Variants in FSHR observed in about 807,000 individuals in gnomAD.
FSHR encodes the protein follicle-stimulating hormone receptor.
FSHR carries 46 observed loss-of-function variants against 52.1 expected under a neutral mutation model. The ratio of observed to expected loss-of-function variants is 0.88; its 90% CI spans 0.70 to 1.13. FSHR has a LOEUF of 1.13. Ranked by LOEUF, FSHR falls within the 50% of genes most tolerant of loss-of-function variation. The pLI, the probability that FSHR is intolerant of heterozygous loss-of-function variation, is 0.00. For synonymous variants in FSHR, 399 were observed against 309.6 expected, an observed-to-expected ratio of 1.29 and a Z score of -3.03; for missense variants, 964 against 834.6, an observed-to-expected ratio of 1.16 and a Z score of -1.91.
intron 2 of FSHR, among the ~76,000 whole-genome samples, chr2:49,035,694 T>C (rs1010891139): frequency 6.6e-6 from 1 of 152,236 alleles, no homozygotes; most frequent in African/African-American, 2.4e-5. Context: ...TTTGGCTCTC[T>C]CAGGAATCTA....
intron 9 of FSHR, 130 bp downstream of exon 9, chr2:48,968,567 GA>G: frequency 1.9e-6 from 2 of 1,069,856 alleles, no homozygotes; most frequent in Non-Finnish European, 1.4e-6. Context: ...TTTTGACCCA[GA>G]ATGTGCCAAA....
chr2:48,981,058 C>CA (rs1368693445), intron 8 of FSHR, among the ~76,000 whole-genome samples: 1 of 152,166 alleles, frequency 6.6e-6, no homozygotes, highest in Non-Finnish European at 1.5e-5. Flanking sequence ...TCAAAGACAT[C>CA]AAAAGTACTT....
intron 9 of FSHR, among the ~76,000 whole-genome samples, chr2:48,967,004 A>T (rs1455471555): frequency 6.6e-6 from 1 of 152,172 alleles, no homozygotes; most frequent in East Asian, 1.9e-4. Flanking sequence ...TGTCTAGAGG[A>T]GTCTGAGTAA....
intron 1 of FSHR, among the ~76,000 whole-genome samples, chr2:49,152,341 T>C (rs1451619872): frequency 6.6e-6 from 1 of 152,138 alleles, no homozygotes; most frequent in East Asian, 1.9e-4. Flanking sequence ...CTCTCTTTCC[T>C]TAGTTGCAAA....
chr2:49,036,868 A>G (rs1478780590), intron 2 of FSHR, among the ~76,000 whole-genome samples: 2 of 152,226 alleles, frequency 1.3e-5, no homozygotes, highest in Non-Finnish European at 2.9e-5. Flanking sequence ...ATGCTGAATA[A>G]AATATGTCAA....
At chr2:49,083,876 ACTCC>A in intron 1 of FSHR, among the ~76,000 whole-genome samples, 1 of 150,396 alleles carries the variant, frequency 6.6e-6, no homozygotes. Context: ...AGAGACTTAG[ACTCC>A]CACACATTAA....
chr2:48,979,910 G>A (rs976686439), intron 8 of FSHR, among the ~76,000 whole-genome samples: 9 of 152,072 alleles, frequency 5.9e-5, no homozygotes, highest in African/African-American at 9.7e-5. Flanking sequence ...AATAGCCTAC[G>A]CATACTCCTA....
intron 2 of FSHR, among the ~76,000 whole-genome samples, chr2:49,060,469 C>A: frequency 6.6e-6 from 1 of 152,262 alleles, no homozygotes; most frequent in East Asian, 1.9e-4. Context: ...CCTTGACCAG[C>A]CAGGGTGGTC....
chr2:49,142,388 G>T (rs137961362), intron 1 of FSHR, among the ~76,000 whole-genome samples: 12 of 152,268 alleles, frequency 7.9e-5, no homozygotes, highest in Non-Finnish European at 1.6e-4. Context: ...GAGAAAAATA[G>T]ATCTAAGGTA....
chr2:49,011,611 C>G (rs1667276002), intron 4 of FSHR, among the ~76,000 whole-genome samples: 1 of 152,156 alleles, frequency 6.6e-6, no homozygotes, highest in South Asian at 2.1e-4. Flanking sequence ...GATCATTTGT[C>G]TAAACATTTG....
intron 2 of FSHR, among the ~76,000 whole-genome samples, chr2:49,050,396 C>G (rs531066748): frequency 4.6e-5 from 7 of 152,298 alleles, no homozygotes; most frequent in South Asian, 2.1e-4. Flanking sequence ...GAGAATCACT[C>G]TAGGTTCTGG....
chr2:49,058,871 T>C (rs972441253), intron 2 of FSHR, among the ~76,000 whole-genome samples: 4 of 152,186 alleles, frequency 2.6e-5, no homozygotes, highest in Non-Finnish European at 5.9e-5. Flanking sequence ...AAAATGACCT[T>C]ACTAACTAAA....
In FSHR at chr2:48,962,909, A is replaced by G; in HGVS notation, c.1912T>C (p.Phe638Leu). ...CAGCCACACTTGCTCAGCAGAATGA[A>G]GAAATCTCTGCGAAAGTTTTTGGTA... ...IFTKNFRRDF[F>L]ILLSKCGCYE... Residue 638 changes from phenylalanine to leucine, a missense_variant, in exon 10 of 10, where the codon TTC becomes CTC. Phe to Leu is a conservative substitution (Grantham distance 22). Coordinates refer to ENST00000406846, the MANE Select transcript of FSHR (RefSeq NM_000145.4). 6.2e-7 allele frequency: 1 copy of G among 1,614,174 alleles called. No homozygotes were observed. Among genetic ancestry groups the G allele is most frequent in the Non-Finnish European group, 8.5e-7 (1 of 1,180,016 alleles).
At chr2:49,025,345 T>C (rs1156957341) in intron 2 of FSHR, among the ~76,000 whole-genome samples, 2 of 152,202 alleles carry the variant, frequency 1.3e-5, no homozygotes, top group African/African-American at 4.8e-5. Context: ...GTGAGAGTAG[T>C]ATTCTAGGCT....
intron 6 of FSHR, among the ~76,000 whole-genome samples, chr2:48,988,468 C>T (rs772022226): frequency 6.6e-6 from 1 of 152,150 alleles, no homozygotes; most frequent in Non-Finnish European, 1.5e-5. Flanking sequence ...ACACAGAATG[C>T]TTTTAAGAGA....
At chr2:49,055,531 CAAAAAAAAAAAAAAAAAA>C (rs75665223) in intron 2 of FSHR, among the ~76,000 whole-genome samples, 1 of 51,132 alleles carries the variant, frequency 2.0e-5, no homozygotes, top group South Asian at 7.7e-4. Flanking sequence ...CCAGGAAGCT[CAAAAAAAAAAAAAAAAAA>C]AAAAAAAAAA....
intron 2 of FSHR, among the ~76,000 whole-genome samples, chr2:49,038,432 T>A (rs1000836704): frequency 6.6e-6 from 1 of 151,664 alleles, no homozygotes; most frequent in Non-Finnish European, 1.5e-5. Context: ...CCATCCTGGC[T>A]AACACGGTGA....
At chr2:49,153,306 A>G (rs1402038503) in intron 1 of FSHR, among the ~76,000 whole-genome samples, 1 of 152,222 alleles carries the variant, frequency 6.6e-6, no homozygotes, top group East Asian at 1.9e-4. Flanking sequence ...ATAAAAACAC[A>G]GAGAGTATCT....
At chr2:49,150,445 A>G (rs1384624965) in intron 1 of FSHR, among the ~76,000 whole-genome samples, 1 of 152,130 alleles carries the variant, frequency 6.6e-6, no homozygotes, top group Non-Finnish European at 1.5e-5. Flanking sequence ...CTAATATTTT[A>G]CAGTTGAGAG....
Sources: allele counts gnomAD v4.1 joint callset (sites outside exome capture counted in the v4.1 genomes callset), GRCh38; gene constraint gnomAD v4.1.1; transcripts MANE v1.5; gene names NCBI Gene and HGNC (gene_info 2026-07-23, HGNC 2026-07-21).